PLOD2: variants seen among roughly 807,000 people sequenced by gnomAD.
PLOD2 encodes lysine hydroxylase 2.
In PLOD2, 65 loss-of-function variants were observed where a neutral mutation model predicts 101.0. That is an observed-to-expected ratio of 0.64 (90% CI 0.53 to 0.79). The LOEUF is 0.79. Among genes scored for constraint, PLOD2 ranks in the 30% least tolerant of loss-of-function variants. The pLI is 0.00. For missense variants in PLOD2, 909 were observed against 914.6 expected, an observed-to-expected ratio of 0.99 and a Z score of 0.08; for synonymous variants, 314 against 302.9, an observed-to-expected ratio of 1.04 and a Z score of -0.38.
intron 7 of PLOD2, among the ~76,000 whole-genome samples, chr3:146,093,258 G>T (rs1033504401): frequency 2.0e-5 from 3 of 152,144 alleles, no homozygotes; most frequent in East Asian, 3.8e-4. Context: ...ACTTTGTGTT[G>T]TACAGATATT....
Position 146,071,133 on chromosome 3 carries a change from G to A in PLOD2, c.2030C>T (p.Ser677Phe), listed in dbSNP as rs1210508762. 1.2e-6 allele frequency: 2 copies of A among 1,610,830 alleles called. No individual in the cohort carries two copies. Among genetic ancestry groups the A allele is most frequent in the Non-Finnish European group, 1.7e-6 (2 of 1,177,920 alleles). ...ACGAAGAGAACGCTGTCGTTCAGGG[G>A]AGTATTTTACTACAAAATTCAGTAG... ...FALLNFVVKY[S>F]PERQRSLRPH... The change falls in exon 19 of 20, where the codon TCC becomes TTC. Residue 677 changes from serine to phenylalanine, a missense_variant. By Grantham distance (155) the Ser-to-Phe change is radical. Coordinates refer to ENST00000282903, the MANE Select transcript of PLOD2 (RefSeq NM_182943.3).
intron 1 of PLOD2, among the ~76,000 whole-genome samples, chr3:146,128,316 A>G (rs910653175): frequency 6.6e-6 from 1 of 152,108 alleles, no homozygotes; most frequent in Non-Finnish European, 1.5e-5. Flanking sequence ...GATACCTGGC[A>G]CCATGAGGTT....
chr3:146,090,258 C>T (rs1936931334), intron 8 of PLOD2, among the ~76,000 whole-genome samples: 1 of 151,240 alleles, frequency 6.6e-6, no homozygotes, highest in Non-Finnish European at 1.5e-5. Context: ...GATTTAACTA[C>T]CTACACAATT....
At chr3:146,154,797 G>T (rs2032224423) in intron 1 of PLOD2, among the ~76,000 whole-genome samples, 1 of 151,804 alleles carries the variant, frequency 6.6e-6, no homozygotes, top group African/African-American at 2.4e-5. Context: ...AACAATCAAG[G>T]CCTGAAAAAA....
intron 7 of PLOD2, among the ~76,000 whole-genome samples, chr3:146,094,072 G>A (rs535253755): frequency 1.3e-5 from 2 of 152,226 alleles, no homozygotes; most frequent in East Asian, 3.9e-4. Context: ...AGCTCTAGAC[G>A]GTGCAGAAGG....
At chr3:146,106,479 AAC>A (rs1231282898) in intron 5 of PLOD2, 51 bp downstream of exon 5, 1 of 844,316 alleles carries the variant, frequency 1.2e-6, no homozygotes, top group Non-Finnish European at 2.1e-6. Flanking sequence ...AACACAATAT[AAC>A]ACACAAAACA....
intron 7 of PLOD2, among the ~76,000 whole-genome samples, chr3:146,096,694 C>T (rs1320784982): frequency 7.2e-6 from 1 of 139,484 alleles, no homozygotes; most frequent in Non-Finnish European, 1.6e-5. Flanking sequence ...CCGGCAACCA[C>T]CCTGTCTGGG....
At chr3:146,072,978 G>C (rs769095644) in intron 16 of PLOD2, among the ~76,000 whole-genome samples, 4 of 151,614 alleles carry the variant, frequency 2.6e-5, no homozygotes, top group Non-Finnish European at 5.9e-5. Context: ...TTCTTCCAAA[G>C]ATAAGCTTTC....
chr3:146,127,451 A>G (rs546281620), intron 1 of PLOD2, among the ~76,000 whole-genome samples: 16 of 152,070 alleles, frequency 1.1e-4, no homozygotes, highest in Non-Finnish European at 2.1e-4. Context: ...AAGTTAGCTC[A>G]CATAGGATAA....
Position 146,079,115 on chromosome 3 carries a change from C to T in PLOD2, c.1500+1G>A, listed in dbSNP as rs1936442200. 1.2e-6 allele frequency: 2 copies of T among 1,612,450 alleles called. No individual in the cohort carries two copies. The highest frequency in any genetic ancestry group is 2.2e-5 in the East Asian group (1 of 44,772). On this transcript the variant is annotated splice_donor_variant, in intron 13 of 19. Transcript: ENST00000282903. LOFTEE classifies it high-confidence loss of function. ...AAGCAAGCCATCACTGCATATCTTA[C>T]CATTTCTCTAGCATTTCGGCAAAGA...
intron 1 of PLOD2, among the ~76,000 whole-genome samples, chr3:146,155,714 C>CAAAAAAA (rs766107067): frequency 2.8e-4 from 15 of 53,842 alleles, no homozygotes; most frequent in East Asian, 1.2e-3. Flanking sequence ...GACTCTGTCT[C>CAAAAAAA]AAAAAAAAAA....
intron 11 of PLOD2, among the ~76,000 whole-genome samples, chr3:146,083,430 T>G (rs1391272540): frequency 6.6e-6 from 1 of 152,200 alleles, no homozygotes; most frequent in Non-Finnish European, 1.5e-5. Flanking sequence ...CAATAGACTA[T>G]AGAAACCACA....
rs529208483 is a variant in PLOD2, at chr3:146,100,055, A to G, written c.777+2700T>C. On this transcript the variant is annotated intron_variant, in intron 7 of 19. Transcript: ENST00000282903. Reference sequence around the variant, plus strand: ...TGCCACCAACCCCGGCTAATTTTGTATTTTTAGTAGAGACGGGGTTTCACC... The same window carrying G: ...TGCCACCAACCCCGGCTAATTTTGTGTTTTTAGTAGAGACGGGGTTTCACC... 2.0e-4 allele frequency among the ~76,000 whole-genome samples: 30 copies of G among 151,980 alleles called. 1 individual carries two copies. The South Asian group carries it at 6.2e-3, about 32-fold the overall frequency.
At position 146,070,067 on chromosome 3, in the gene PLOD2, T is replaced by A. The variant is rs1398409408; in HGVS notation, c.*650A>T. ...CATCTGAAAGAAACATAGGGTTTGA[T>A]TTTTAATACTAATATAAAATAATCT... On this transcript the variant is annotated 3_prime_UTR_variant, in exon 20 of 20. Transcript: ENST00000282903. The A allele has an allele frequency of 2.0e-5, 3 of 151,920 alleles. No homozygotes were observed. Among genetic ancestry groups the A allele is most frequent in the African/African-American group, 7.2e-5 (3 of 41,430 alleles). 9.4% of individuals were successfully genotyped at this position (151,920 alleles called of 1,614,324 possible). A position where few individuals can be genotyped will look rare whatever the true frequency, so the allele number is the denominator to read the frequency against.
intron 1 of PLOD2, among the ~76,000 whole-genome samples, chr3:146,137,941 C>T (rs895091286): frequency 1.3e-5 from 2 of 151,950 alleles, no homozygotes; most frequent in Non-Finnish European, 2.9e-5. Flanking sequence ...GAGGTAATAC[C>T]GCAGGGGGAA....
intron 1 of PLOD2, among the ~76,000 whole-genome samples, chr3:146,146,127 A>G (rs568542728): frequency 1.1e-4 from 17 of 152,294 alleles, no homozygotes; most frequent in African/African-American, 3.8e-4. Flanking sequence ...CATGCTTAGA[A>G]CTTTATAATA....
chr3:146,112,775 C>G (rs1576603942), intron 3 of PLOD2, among the ~76,000 whole-genome samples: 1 of 151,040 alleles, frequency 6.6e-6, no homozygotes, highest in Non-Finnish European at 1.5e-5. Flanking sequence ...TGCTTGAACC[C>G]GAGAGGTGGA....
intron 12 of PLOD2, among the ~76,000 whole-genome samples, 161 bp from the exon 13 acceptor site, chr3:146,079,418 TG>T: frequency 6.6e-6 from 1 of 152,108 alleles, no homozygotes; most frequent in African/African-American, 2.4e-5. Flanking sequence ...AAGATTACAT[TG>T]TATACACTAT....
intron 1 of PLOD2, among the ~76,000 whole-genome samples, chr3:146,144,935 C>T (rs1390768325): frequency 3.9e-5 from 6 of 152,064 alleles, no homozygotes; most frequent in Non-Finnish European, 7.4e-5. Flanking sequence ...TTATTCTTAA[C>T]TATCTCTGTT....
Sources: allele counts gnomAD v4.1 joint callset (sites outside exome capture counted in the v4.1 genomes callset), GRCh38; gene constraint gnomAD v4.1.1; transcripts MANE v1.5; gene names NCBI Gene and HGNC (gene_info 2026-07-23, HGNC 2026-07-21).